PDE10A: variants seen among roughly 807,000 people sequenced by gnomAD.
PDE10A encodes the protein cAMP and cAMP-inhibited cGMP 3',5'-cyclic phosphodiesterase 10A.
In PDE10A, 39 loss-of-function variants were observed where a neutral mutation model predicts 97.7. The observed-to-expected ratio is 0.40, with a 90% CI of 0.31 to 0.52. The LOEUF (loss-of-function observed/expected upper bound fraction) is 0.52. Among genes scored for constraint, PDE10A ranks in the 20% least tolerant of loss-of-function variants. PDE10A has a pLI of 0.56. For missense variants in PDE10A, 731 were observed against 1,047.8 expected (o/e 0.70, Z 4.17); for synonymous variants, 371 against 376.8 (o/e 0.98, Z 0.18).
intron 1 of PDE10A, among the ~76,000 whole-genome samples, chr6:165,865,883 A>C (rs1460215648): frequency 6.6e-6 from 1 of 152,200 alleles, no homozygotes; most frequent in African/African-American, 2.4e-5. Flanking sequence ...TAGCTAAAAA[A>C]AATTATCAAG....
intron 17 of PDE10A, among the ~76,000 whole-genome samples, chr6:165,385,332 C>G (rs925635523): frequency 6.6e-6 from 1 of 150,498 alleles, no homozygotes; most frequent in East Asian, 1.9e-4. Flanking sequence ...AAGCACAATT[C>G]GGGCATACTG....
chr6:165,387,712 T>G (rs924751078), intron 17 of PDE10A, among the ~76,000 whole-genome samples: 4 of 152,248 alleles, frequency 2.6e-5, no homozygotes, highest in East Asian at 3.8e-4. Context: ...ATTATATTTT[T>G]AAACATTGTT....
intron 19 of PDE10A, among the ~76,000 whole-genome samples, chr6:165,342,801 T>C (rs544734936): frequency 1.3e-5 from 2 of 152,270 alleles, no homozygotes; most frequent in Admixed American, 6.5e-5. Flanking sequence ...CATCAGCAAA[T>C]TGAGCAGTAC....
rs536978913 is a variant in PDE10A at position 165,355,672 on chromosome 6, C to A, written c.2784-12170G>T. Among the ~76,000 whole-genome samples, 4 of 152,166 alleles carry A rather than the reference C, an allele frequency of 2.6e-5. No individual in the cohort carries two copies. In the South Asian group the frequency reaches 8.3e-4, roughly 32 times the overall value. On this transcript the variant is annotated intron_variant, in intron 18 of 21. Coordinates refer to ENST00000539869, the MANE Select transcript of PDE10A (RefSeq NM_001385079.1). ...ATGTTGCTATGAATGTGTGTCCTAG[C>A]CTGTGTGTGAAAGTACACTTTCATT...
At chr6:165,543,349 A>G (rs1783563461) in intron 2 of PDE10A, 91 bp downstream of exon 2, 1 of 1,022,374 alleles carries the variant, frequency 9.8e-7, no homozygotes, top group Admixed American at 2.8e-5. Context: ...TGTCTACTTT[A>G]TATTTCACAC....
intron 13 of PDE10A, 57 bp downstream of exon 13, chr6:165,413,444 A>G: frequency 7.8e-7 from 1 of 1,289,788 alleles, no homozygotes. Flanking sequence ...GCTTTATGAA[A>G]AAGATTCCAA....
intron 1 of PDE10A, among the ~76,000 whole-genome samples, chr6:165,765,143 G>T (rs936885824): frequency 6.6e-6 from 1 of 150,958 alleles, no homozygotes; most frequent in African/African-American, 2.4e-5. Context: ...ACAGAGTGCC[G>T]CTTGGTGTAT....
intron 1 of PDE10A, among the ~76,000 whole-genome samples, chr6:165,602,258 C>A (rs995011781): frequency 7.2e-5 from 11 of 152,142 alleles, no homozygotes; most frequent in African/African-American, 2.7e-4. Context: ...CTCCTGTCTT[C>A]CTAGTTCTAA....
chr6:165,911,283 G>A (rs547493087), intron 1 of PDE10A, among the ~76,000 whole-genome samples: 5 of 152,250 alleles, frequency 3.3e-5, no homozygotes, highest in African/African-American at 9.6e-5. Context: ...CATTAAAAAC[G>A]ATTTATTGCA....
intron 3 of PDE10A, among the ~76,000 whole-genome samples, chr6:165,472,511 TA>T (rs1197837402): frequency 6.6e-6 from 1 of 152,150 alleles, no homozygotes; most frequent in East Asian, 1.9e-4. Context: ...CTGTGCTTTT[TA>T]AATTTGTTTT....
intron 1 of PDE10A, among the ~76,000 whole-genome samples, chr6:165,889,502 T>A (rs11756670): frequency 6.6e-6 from 1 of 151,914 alleles, no homozygotes; most frequent in African/African-American, 2.4e-5. Flanking sequence ...CAGGCTTACA[T>A]CTGCACTCAG....
At chr6:165,830,353 C>G (rs994316334) in intron 1 of PDE10A, among the ~76,000 whole-genome samples, 4 of 152,208 alleles carry the variant, frequency 2.6e-5, no homozygotes, top group Admixed American at 6.5e-5. Context: ...ACAAGCCAAA[C>G]AGTGACAATC....
At chr6:165,434,630 C>A (rs1583279156) in intron 6 of PDE10A, among the ~76,000 whole-genome samples, 1 of 152,140 alleles carries the variant, frequency 6.6e-6, no homozygotes, top group Non-Finnish European at 1.5e-5. Flanking sequence ...GGCTTGAAAA[C>A]TCACTTGTAT....
chr6:165,432,746 G>A (rs958964798), intron 7 of PDE10A, among the ~76,000 whole-genome samples: 9 of 152,028 alleles, frequency 5.9e-5, no homozygotes, highest in Non-Finnish European at 1.2e-4. Flanking sequence ...TGTTACACTG[G>A]ATTTTACTTA....
chr6:165,453,888 C>T (rs1220097841), intron 3 of PDE10A, among the ~76,000 whole-genome samples: 8 of 152,166 alleles, frequency 5.3e-5, no homozygotes, highest in Non-Finnish European at 1.5e-5. Context: ...ACCAACTCCA[C>T]AACTCTGGAG....
At chr6:165,424,598 T>C (rs966350893) in intron 10 of PDE10A, among the ~76,000 whole-genome samples, 9 of 152,126 alleles carry the variant, frequency 5.9e-5, no homozygotes, top group Non-Finnish European at 1.0e-4. Context: ...GAATGGAACA[T>C]TTCTGAGCTC....
In PDE10A at chr6:165,575,199, T is replaced by C. The variant is rs142932944; in HGVS notation, c.866-31631A>G. Among the ~76,000 whole-genome samples the C allele has an allele frequency of 6.0e-4, 92 of 152,268 alleles. 1 individual carries two copies. The East Asian group carries it at 0.017, about 28-fold the overall frequency. On this transcript the variant is annotated intron_variant, in intron 1 of 21. Coordinates refer to ENST00000539869, the MANE Select transcript of PDE10A (RefSeq NM_001385079.1). ...TTCTTTGCTTAGTCCCACCCCACAC[T>C]AGGTAAACCCAATCATTCGAGTTTT...
chr6:165,491,765 G>C (rs495087), intron 2 of PDE10A, among the ~76,000 whole-genome samples: 7 of 151,752 alleles, frequency 4.6e-5, no homozygotes, highest in Non-Finnish European at 8.8e-5. Flanking sequence ...GTCTGAAAGA[G>C]CACAGGTAGA....
intron 1 of PDE10A, among the ~76,000 whole-genome samples, chr6:165,864,252 A>T (rs1217144227): frequency 6.6e-6 from 1 of 152,254 alleles, no homozygotes; most frequent in Admixed American, 6.5e-5. Flanking sequence ...GTTTGTCAGA[A>T]AAAACTGTGG....
Sources: gnomAD v4.1 joint callset for allele counts (sites outside exome capture counted in the v4.1 genomes callset) on GRCh38, gnomAD v4.1.1 for gene constraint, MANE v1.5 for transcripts, NCBI Gene and HGNC (gene_info 2026-07-23, HGNC 2026-07-21) for gene names.